DACH2: variants seen among roughly 807,000 people sequenced by gnomAD.
The protein encoded by DACH2 is dachshund homolog 2.
In DACH2, 17 loss-of-function variants were observed where a neutral mutation model predicts 35.8. The ratio of observed to expected loss-of-function variants is 0.48; its 90% CI spans 0.33 to 0.71. DACH2 has a LOEUF of 0.71. DACH2 is among the 30% of genes least tolerant of loss of function. The pLI, the probability that DACH2 is intolerant of heterozygous loss-of-function variation, is 0.02. For missense variants in DACH2, 469 were observed against 472.7 expected (o/e 0.99, Z 0.07); for synonymous variants, 195 against 177.3 (o/e 1.10, Z -0.79).
chrX:86,224,265 G>A (rs1313409897), intron 1 of DACH2, among the ~76,000 whole-genome samples: 1 of 111,259 alleles, frequency 9.0e-6, no homozygotes, highest in Non-Finnish European at 1.9e-5. Context: ...TTTGTGAAGC[G>A]TTGGTCATAT....
intron 4 of DACH2, among the ~76,000 whole-genome samples, chrX:86,661,267 T>G (rs995425193): frequency 8.9e-6 from 1 of 112,283 alleles, no homozygotes; most frequent in Non-Finnish European, 1.9e-5. Context: ...AATAACTTAT[T>G]ATCAAATTCC....
chrX:86,767,751 G>A (rs1423746194), intron 7 of DACH2, among the ~76,000 whole-genome samples: 2 of 111,646 alleles, frequency 1.8e-5, no homozygotes, highest in African/African-American at 6.5e-5. Context: ...AGAACTAGGT[G>A]AGAAAATTGG....
intron 4 of DACH2, among the ~76,000 whole-genome samples, chrX:86,667,333 GGA>G (rs1296403767): frequency 1.3e-5 from 1 of 76,762 alleles, no homozygotes; most frequent in African/African-American, 4.9e-5. Flanking sequence ...AAGGAAGGAA[GGA>G]AGGAAGGAAG....
At chrX:86,785,555 C>T (rs1392461123) in intron 7 of DACH2, among the ~76,000 whole-genome samples, 2 of 111,604 alleles carry the variant, frequency 1.8e-5, no homozygotes, top group Admixed American at 9.5e-5. Flanking sequence ...GATCTTTGGA[C>T]AGATGGGACA....
chrX:86,197,561 A>G (rs1388011379), intron 1 of DACH2, among the ~76,000 whole-genome samples: 1 of 111,366 alleles, frequency 9.0e-6, no homozygotes, highest in African/African-American at 3.3e-5. Flanking sequence ...AAAGGGATGG[A>G]GAAAAATCTA....
At position 86,708,440 on chromosome X, in the gene DACH2, C is replaced by T. The variant is rs6623762; in HGVS notation, c.932-6108C>T. Among the ~76,000 whole-genome samples, 135 of 111,279 alleles carry T rather than the reference C, an allele frequency of 1.2e-3. 1 individual carries two copies. In the East Asian group the frequency reaches 0.022, roughly 18 times the overall value. On this transcript the variant is annotated intron_variant, in intron 5 of 11. Transcript: ENST00000373125. Reference sequence around the variant, plus strand: ...CTAATAAGAGATTATAGTAAGGTTGCAGGATACAAAATTAATGTACAAAAT... The same window carrying T: ...CTAATAAGAGATTATAGTAAGGTTGTAGGATACAAAATTAATGTACAAAAT...
chrX:86,646,329 A>G (rs2040414787), intron 3 of DACH2, among the ~76,000 whole-genome samples: 1 of 110,512 alleles, frequency 9.0e-6, no homozygotes, highest in Non-Finnish European at 1.9e-5. Flanking sequence ...TTGAGAAATT[A>G]CTTAATGGGT....
At chrX:86,308,625 C>T (rs769561265) in intron 1 of DACH2, among the ~76,000 whole-genome samples, 3 of 111,667 alleles carry the variant, frequency 2.7e-5, no homozygotes, top group Non-Finnish European at 5.6e-5. Flanking sequence ...AAGGGGAGGC[C>T]GGGTCCCCTT....
chrX:86,699,553 C>A lies in DACH2; in HGVS notation c.931+4374C>A, dbSNP rs140531074. Among the ~76,000 whole-genome samples, 483 of 111,300 alleles carry A rather than the reference C, an allele frequency of 4.3e-3. 5 individuals carry two copies. The highest frequency in any genetic ancestry group is 0.015 in the African/African-American group (468 of 30,649). On this transcript the variant is annotated intron_variant, in intron 5 of 11. Transcript: ENST00000373125. ...TGAGAACAGTATGGGAGAAACCACT[C>A]CCATGATTCAATTATCTCCCACTGG...
chrX:86,304,316 C>G (rs1006210704), intron 1 of DACH2: 1 of 112,119 alleles, frequency 8.9e-6, no homozygotes, highest in African/African-American at 3.2e-5. Flanking sequence ...AAGCTGCAAG[C>G]TGTGTACTCA....
intron 1 of DACH2, among the ~76,000 whole-genome samples, chrX:86,194,450 G>A (rs1379752540): frequency 8.9e-6 from 1 of 111,855 alleles, no homozygotes; most frequent in Non-Finnish European, 1.9e-5. Context: ...CAGAAGGAGG[G>A]CACTGAGAAC....
chrX:86,375,534 T>G lies in DACH2; in HGVS notation c.489-1290T>G, dbSNP rs1311296958. 4.7e-5 allele frequency among the ~76,000 whole-genome samples: 5 copies of G among 106,302 alleles called. 1 individual carries two copies. Among genetic ancestry groups the G allele is most frequent in the Non-Finnish European group, 7.8e-5 (4 of 51,472 alleles). The allele number at this position is 106,302 out of a possible 115,157, so 92.3% of individuals were successfully genotyped here. A position where few individuals can be genotyped will look rare whatever the true frequency, so the allele number is the denominator to read the frequency against. ...TCAAATCCAGTCATATATAGCCCAT[T>G]AAAATAAGGAAGGATGCATTATCAC... On this transcript the variant is annotated intron_variant, in intron 1 of 11. Transcript: ENST00000373125.
At chrX:86,557,494 T>C (rs2039149628) in intron 3 of DACH2, among the ~76,000 whole-genome samples, 1 of 93,992 alleles carries the variant, frequency 1.1e-5, no homozygotes, top group South Asian at 6.1e-4. Flanking sequence ...CATTGGTAGC[T>C]TGATGGGGAT....
intron 11 of DACH2, 105 bp from the exon 12 acceptor site, chrX:86,832,001 T>TTACA (rs1569487566): frequency 5.9e-6 from 3 of 505,238 alleles, no homozygotes; most frequent in Non-Finnish European, 9.8e-6. Context: ...ATTGAGCCTG[T>TTACA]TACATCAGAT....
intron 2 of DACH2, among the ~76,000 whole-genome samples, chrX:86,464,624 C>T (rs2037633685): frequency 9.0e-6 from 1 of 110,872 alleles, no homozygotes; most frequent in South Asian, 3.8e-4. Context: ...CACCATGGCA[C>T]ACGTATACCT....
At chrX:86,225,135 A>AT (rs962702519) in intron 1 of DACH2, among the ~76,000 whole-genome samples, 4 of 111,912 alleles carry the variant, frequency 3.6e-5, no homozygotes, top group African/African-American at 9.7e-5. Flanking sequence ...GTATATCTAA[A>AT]TTGATGAACA....
intron 1 of DACH2, among the ~76,000 whole-genome samples, chrX:86,315,807 A>G (rs940107534): frequency 1.1e-5 from 1 of 92,581 alleles, no homozygotes; most frequent in Non-Finnish European, 2.1e-5. Context: ...ACACACACAC[A>G]CACACACACA....
chrX:86,156,841 AG>A (rs2030562679), intron 1 of DACH2, among the ~76,000 whole-genome samples: 1 of 111,299 alleles, frequency 9.0e-6, no homozygotes, highest in Non-Finnish European at 1.9e-5. Flanking sequence ...CCTTCTTTCT[AG>A]TCTGTGAATA....
intron 2 of DACH2, among the ~76,000 whole-genome samples, chrX:86,473,370 C>A (rs1364803231): frequency 9.0e-6 from 1 of 110,924 alleles, no homozygotes; most frequent in East Asian, 2.8e-4. Flanking sequence ...TATAGACAAT[C>A]CAACTGAACT....
Sources: allele counts gnomAD v4.1 joint callset (sites outside exome capture counted in the v4.1 genomes callset), GRCh38; gene constraint gnomAD v4.1.1; transcripts MANE v1.5; gene names NCBI Gene and HGNC (gene_info 2026-07-23, HGNC 2026-07-21).